SGCZ: variants seen among roughly 807,000 people sequenced by gnomAD.
SGCZ encodes sarcoglycan zeta, also known as zeta-sarcoglycan.
SGCZ carries 40 observed loss-of-function variants against 41.3 expected under a neutral mutation model. That is an observed-to-expected ratio of 0.97 (90% confidence interval 0.75 to 1.26). The LOEUF (loss-of-function observed/expected upper bound fraction) is 1.26. Among genes scored for constraint, SGCZ ranks in the 50% most tolerant of loss-of-function variants. The pLI is 0.00. For missense variants in SGCZ, 552 were observed against 369.8 expected, an observed-to-expected ratio of 1.49 and a Z score of -4.04; for synonymous variants, 206 against 137.5, an observed-to-expected ratio of 1.50 and a Z score of -3.49.
chr8:14,417,418 G>A (rs183232066), intron 2 of SGCZ, among the ~76,000 whole-genome samples: 7 of 151,644 alleles, frequency 4.6e-5, no homozygotes, highest in Non-Finnish European at 8.8e-5. Flanking sequence ...TTACACCTAA[G>A]ATTATTTTTT....
intron 1 of SGCZ, among the ~76,000 whole-genome samples, chr8:15,093,234 C>T (rs1269347961): frequency 6.6e-6 from 1 of 152,126 alleles, no homozygotes; most frequent in Non-Finnish European, 1.5e-5. Context: ...GAAGAGTTGC[C>T]TCTCACTGAA....
intron 2 of SGCZ, among the ~76,000 whole-genome samples, chr8:14,405,559 G>T (rs1585464376): frequency 6.6e-6 from 1 of 152,000 alleles, no homozygotes; most frequent in African/African-American, 2.4e-5. Context: ...CTTATGCCAA[G>T]AATTATGCTT....
chr8:14,613,017 C>T (rs1230496875), intron 1 of SGCZ, among the ~76,000 whole-genome samples: 2 of 152,038 alleles, frequency 1.3e-5, no homozygotes, highest in East Asian at 1.9e-4. Context: ...GACAAAAAAG[C>T]CTCCTGGTCT....
At chr8:15,182,848 C>G (rs756833735) in intron 1 of SGCZ, among the ~76,000 whole-genome samples, 3 of 152,192 alleles carry the variant, frequency 2.0e-5, no homozygotes, top group Non-Finnish European at 4.4e-5. Flanking sequence ...GTTGTAATAA[C>G]AGCTTAAAAC....
rs577045593 is a variant in SGCZ at position 15,002,271 on chromosome 8, A to G, written c.39+235314T>C. ...TGCAGTGATATTTGCCTTTAAGAAA[A>G]CTGAAAGATAATTAATTTAATTCCT... On this transcript the variant is annotated intron_variant, in intron 1 of 7. Coordinates refer to ENST00000382080, the MANE Select transcript of SGCZ (RefSeq NM_139167.4). Among the ~76,000 whole-genome samples the G allele has an allele frequency of 2.7e-3, 405 of 152,284 alleles. 3 individuals carry two copies. The highest frequency in any genetic ancestry group is 9.5e-3 in the African/African-American group (394 of 41,566).
At chr8:15,178,954 A>G (rs1477672470) in intron 1 of SGCZ, among the ~76,000 whole-genome samples, 1 of 152,230 alleles carries the variant, frequency 6.6e-6, no homozygotes, top group Non-Finnish European at 1.5e-5. Flanking sequence ...AGAAAATATG[A>G]TAAACAATTT....
intron 1 of SGCZ, among the ~76,000 whole-genome samples, chr8:15,111,277 G>A (rs1420390675): frequency 1.3e-5 from 2 of 152,098 alleles, no homozygotes; most frequent in Non-Finnish European, 2.9e-5. Context: ...CCACGGCTGG[G>A]TAACAAAGGA....
At position 14,551,546 on chromosome 8, in the gene SGCZ, TATATAATATATA is replaced by T. The variant is rs1354874599; in HGVS notation, c.234+3174_234+3185del. ...TATAATATATATAATATATATAATATATATAATATATATTATATATATAATATATATATAATA... is the reference window on the plus strand; with the variant it reads ...TATAATATATATAATATATATAATATTTATATATATAATATATATATAATA... On this transcript the variant is annotated intron_variant, in intron 2 of 7. Coordinates refer to ENST00000382080, the MANE Select transcript of SGCZ (RefSeq NM_139167.4). 2.8e-3 allele frequency among the ~76,000 whole-genome samples: 26 copies of T among 9,248 alleles called. 1 individual carries two copies. The highest frequency in any genetic ancestry group is 4.5e-3 in the South Asian group (2 of 448). The allele number at this position is 9,248 out of a possible 152,430, so 6.1% of individuals were successfully genotyped here.
At chr8:14,678,144 G>A (rs1432304708) in intron 1 of SGCZ, among the ~76,000 whole-genome samples, 1 of 152,046 alleles carries the variant, frequency 6.6e-6, no homozygotes, top group Non-Finnish European at 1.5e-5. Context: ...TGTTGACGTA[G>A]ATACAACAAC....
At chr8:14,350,076 T>G (rs547063043) in intron 2 of SGCZ, among the ~76,000 whole-genome samples, 15 of 152,246 alleles carry the variant, frequency 9.9e-5, no homozygotes, top group African/African-American at 3.4e-4. Flanking sequence ...GGCTAAATGA[T>G]TGATAAAATC....
intron 1 of SGCZ, among the ~76,000 whole-genome samples, chr8:14,912,519 G>A (rs936374076): frequency 4.7e-4 from 72 of 152,090 alleles, no homozygotes; most frequent in African/African-American, 1.7e-3. Context: ...AAGAAATTGT[G>A]TACATCAAAT....
At position 14,629,584 on chromosome 8, in the gene SGCZ, C is replaced by T. The variant is rs150104900; in HGVS notation, c.40-74658G>A. Among the ~76,000 whole-genome samples, 9 of 152,148 alleles carry T rather than the reference C, an allele frequency of 5.9e-5. No individual in the cohort carries two copies. In the East Asian group the frequency reaches 1.7e-3, roughly 30 times the overall value. On this transcript the variant is annotated intron_variant, in intron 1 of 7. Coordinates refer to ENST00000382080, the MANE Select transcript of SGCZ (RefSeq NM_139167.4). ...TTGCCATCCACTGTCCTCTTAGCCACTGGAAAGTGACTTGTTGGAATCTCT... is the reference window on the plus strand; with the variant it reads ...TTGCCATCCACTGTCCTCTTAGCCATTGGAAAGTGACTTGTTGGAATCTCT...
intron 5 of SGCZ, among the ~76,000 whole-genome samples, chr8:14,127,336 G>A (rs1802892590): frequency 6.6e-6 from 1 of 151,978 alleles, no homozygotes; most frequent in Non-Finnish European, 1.5e-5. Flanking sequence ...AAATACTGAG[G>A]AGCAAATGAA....
At chr8:14,775,778 G>C (rs1215770890) in intron 1 of SGCZ, among the ~76,000 whole-genome samples, 3 of 152,164 alleles carry the variant, frequency 2.0e-5, no homozygotes, top group African/African-American at 4.8e-5. Flanking sequence ...TTTGAAATCA[G>C]AATTGGTTAT....
At chr8:14,802,948 C>A (rs1801374058) in intron 1 of SGCZ, among the ~76,000 whole-genome samples, 1 of 152,178 alleles carries the variant, frequency 6.6e-6, no homozygotes, top group South Asian at 2.1e-4. Flanking sequence ...AACTCCTCCT[C>A]CAGCCCCATT....
chr8:14,318,211 G>A (rs367846464), intron 3 of SGCZ, among the ~76,000 whole-genome samples: 7 of 151,718 alleles, frequency 4.6e-5, no homozygotes, highest in African/African-American at 1.2e-4. Flanking sequence ...GGAAAGGGGG[G>A]AAGAGAAAAG....
chr8:14,608,910 G>T (rs964966561), intron 1 of SGCZ, among the ~76,000 whole-genome samples: 2 of 151,996 alleles, frequency 1.3e-5, no homozygotes, highest in Admixed American at 1.3e-4. Flanking sequence ...GTAATAATAG[G>T]CTTCTTAGGA....
rs1289328924 is a variant in SGCZ at position 14,108,192 on chromosome 8, G to A, written c.591C>T (p.His197=). 1.2e-5 allele frequency: 20 copies of A among 1,614,018 alleles called. No homozygotes were observed. Among genetic ancestry groups the A allele is most frequent in the Non-Finnish European group, 1.7e-5 (20 of 1,180,012 alleles). The change falls in exon 6 of 8, where the codon CAC becomes CAT. Residue 197 remains histidine, a synonymous_variant. Coordinates refer to ENST00000382080, the MANE Select transcript of SGCZ (RefSeq NM_139167.4). ...GATCTTGGGATGGCTCTGCTCTGAT[G>A]TGCGGCGTCTCCACAGAGTGCCCAA... is the stretch of plus-strand genomic sequence containing the variant. ...AVFGHSVETP[H]IRAEPSQDLR...
At chr8:15,074,563 A>G (rs1274546238) in intron 1 of SGCZ, among the ~76,000 whole-genome samples, 1 of 152,160 alleles carries the variant, frequency 6.6e-6, no homozygotes, top group Non-Finnish European at 1.5e-5. Context: ...TCTAAGCTCC[A>G]TAATACAGCA....
Sources: gnomAD v4.1 joint callset for allele counts (sites outside exome capture counted in the v4.1 genomes callset) on GRCh38, gnomAD v4.1.1 for gene constraint, MANE v1.5 for transcripts, NCBI Gene and HGNC (gene_info 2026-07-23, HGNC 2026-07-21) for gene names.